Variants in AIG1 observed in about 807,000 individuals in gnomAD.
AIG1 encodes androgen induced 1.
Under a neutral mutation model 31.4 loss-of-function variants are expected in AIG1, and 23 were observed. That is an observed-to-expected ratio of 0.73 (90% CI 0.53 to 1.04). The LOEUF (loss-of-function observed/expected upper bound fraction) is 1.04, where lower values mean the gene tolerates loss of function less well. AIG1 is among the 50% of genes least tolerant of loss of function. The probability of loss-of-function intolerance (pLI) is 0.00; values close to 1 mark genes in which losing one functional copy is unlikely to be tolerated. For missense variants in AIG1, 274 were observed against 295.0 expected (o/e 0.93, Z 0.52); for synonymous variants, 100 against 110.5 (o/e 0.90, Z 0.60).
chr6:143,182,612 C>G lies in AIG1; in HGVS notation c.399+17429C>G, dbSNP rs569322290. Among the ~76,000 whole-genome samples the G allele has an allele frequency of 9.9e-4, 151 of 152,258 alleles. 1 individual carries two copies. Among genetic ancestry groups the G allele is most frequent in the African/African-American group, 3.6e-3 (148 of 41,530 alleles). ...ACTGAAATCCCCTAACCCTGCTCCC[C>G]CTTCCCATGGCACTAATCATCCTTG... On this transcript the variant is annotated intron_variant, in intron 3 of 5. Transcript: ENST00000357847.
intron 3 of AIG1, among the ~76,000 whole-genome samples, chr6:143,168,642 T>TA (rs879939350): frequency 1.1e-4 from 17 of 147,850 alleles, no homozygotes; most frequent in East Asian, 7.9e-4. Flanking sequence ...CCCTGTCTCT[T>TA]AAAAAAAAAA....
chr6:143,151,065 C>G (rs1477347558), intron 2 of AIG1, among the ~76,000 whole-genome samples: 1 of 152,160 alleles, frequency 6.6e-6, no homozygotes, highest in African/African-American at 2.4e-5. Context: ...ATCTTTGAGT[C>G]ATATTGGTTC....
chr6:143,202,812 G>A (rs1370189667), intron 3 of AIG1, among the ~76,000 whole-genome samples: 1 of 152,168 alleles, frequency 6.6e-6, no homozygotes, highest in Non-Finnish European at 1.5e-5. Flanking sequence ...GCATCACAGA[G>A]GAGTGGAAGG....
At chr6:143,272,732 T>C (rs1796619671) in intron 3 of AIG1, among the ~76,000 whole-genome samples, 1 of 152,228 alleles carries the variant, frequency 6.6e-6, no homozygotes. Flanking sequence ...CAATAACAGT[T>C]GCCAGTCCAG....
intron 1 of AIG1, among the ~76,000 whole-genome samples, chr6:143,089,184 G>C (rs761599748): frequency 3.3e-5 from 5 of 150,872 alleles, no homozygotes; most frequent in Non-Finnish European, 7.4e-5. Context: ...ACTCCAGCCT[G>C]GGCAACAGAG....
intron 3 of AIG1, among the ~76,000 whole-genome samples, chr6:143,212,111 A>T (rs1015251019): frequency 6.6e-6 from 1 of 151,772 alleles, no homozygotes; most frequent in Non-Finnish European, 1.5e-5. Context: ...ACCAGTAACA[A>T]CCCCTCTTTC....
chr6:143,060,724 C>T, upstream of AIG1: 1 of 432,000 alleles, frequency 2.3e-6, no homozygotes. Flanking sequence ...GCAAACCGCG[C>T]CCGGCCAGTA....
chr6:143,220,505 G>A lies in AIG1; in HGVS notation c.399+55322G>A, dbSNP rs78808016. Among the ~76,000 whole-genome samples, 299 of 152,170 alleles carry A rather than the reference G, an allele frequency of 2.0e-3. 1 individual carries two copies. The highest frequency in any genetic ancestry group is 6.8e-3 in the Middle Eastern group (2 of 294). On this transcript the variant is annotated intron_variant, in intron 3 of 5. Coordinates refer to ENST00000357847, the MANE Select transcript of AIG1 (RefSeq NM_016108.4). ...TCTCTATCATACAGATGCAGAAACC[G>A]AGACTCAGAGTGGTTTAATTGCCAA...
chr6:143,335,878 G>T (rs1583910707), intron 5 of AIG1, among the ~76,000 whole-genome samples: 1 of 151,542 alleles, frequency 6.6e-6, no homozygotes, highest in East Asian at 1.9e-4. Flanking sequence ...CAACCTGGAG[G>T]CAGAGGTTGC....
chr6:143,189,732 T>A lies in AIG1; in HGVS notation c.399+24549T>A, dbSNP rs149772793. The A allele has an allele frequency of 2.1e-4, 204 of 985,398 alleles. 1 individual carries two copies. In the African/African-American group the frequency reaches 3.3e-3, roughly 16 times the overall value. 61.0% of individuals were successfully genotyped at this position (985,398 alleles called of 1,614,324 possible). ...AACACAATTTCCCTCAAAACCCTCA[T>A]CCCTAATTTAGAGCCCTCTTATATT... On this transcript the variant is annotated intron_variant, in intron 3 of 5. Transcript: ENST00000357847.
At chr6:143,322,954 T>C (rs1046949207) in intron 4 of AIG1, among the ~76,000 whole-genome samples, 1 of 152,000 alleles carries the variant, frequency 6.6e-6, no homozygotes, top group African/African-American at 2.4e-5. Flanking sequence ...TTCTGTTTGC[T>C]TTTTTTTAAT....
At position 143,333,932 on chromosome 6, in the gene AIG1, T is replaced by C; in HGVS notation, c.679+487T>C. The C allele has an allele frequency of 1.3e-6, 1 of 768,724 alleles. No homozygotes were observed. Among genetic ancestry groups the C allele is most frequent in the East Asian group, 2.7e-5 (1 of 37,262 alleles). The allele number at this position is 768,724 out of a possible 1,614,324, so 47.6% of individuals were successfully genotyped here. The stretch of plus-strand genomic sequence containing the variant: ...AGAGCTCTATCTAAGCAGTGTGTGA[T>C]GCTCCGGCCACCTTGACTCACCAGT... On this transcript the variant is annotated intron_variant, in intron 5 of 5. Transcript: ENST00000357847. The surrounding 1 kb of genome is among the most constrained non-coding windows in gnomAD (Gnocchi z 4.6).
At chr6:143,261,633 A>G (rs1554262958) in intron 3 of AIG1, among the ~76,000 whole-genome samples, 1 of 152,098 alleles carries the variant, frequency 6.6e-6, no homozygotes, top group Non-Finnish European at 1.5e-5. Context: ...CCTCTATGCA[A>G]TTTTTTTTAA....
chr6:143,093,521 T>G (rs1779493424), intron 1 of AIG1, among the ~76,000 whole-genome samples: 1 of 152,206 alleles, frequency 6.6e-6, no homozygotes, highest in Non-Finnish European at 1.5e-5. Context: ...TTTTTTATCA[T>G]TTCAGTGTTC....
At chr6:143,075,298 C>CT (rs1292721035) in intron 1 of AIG1, among the ~76,000 whole-genome samples, 1 of 151,992 alleles carries the variant, frequency 6.6e-6, no homozygotes, top group Non-Finnish European at 1.5e-5. Flanking sequence ...TGATTTCTCT[C>CT]TTTTTTTGTT....
rs1374662479 is a variant in AIG1, at chr6:143,334,249, G to A, written c.679+804G>A. Among the ~76,000 whole-genome samples the A allele has an allele frequency of 2.0e-5, 3 of 152,200 alleles. No homozygotes were observed. The highest frequency in any genetic ancestry group is 4.4e-5 in the Non-Finnish European group (3 of 68,032). ...AGGCAAGATGGTTTGGAGATTTTAG[G>A]AAGCCCTGGCTCTTTCCTCTGACAC... is the stretch of plus-strand genomic sequence containing the variant. On this transcript the variant is annotated intron_variant, in intron 5 of 5. Coordinates refer to ENST00000357847, the MANE Select transcript of AIG1 (RefSeq NM_016108.4). This position sits in a 1 kb window ranked among gnomAD's most constrained non-coding sequence, Gnocchi z 5.1.
chr6:143,272,045 A>G (rs1274121895), intron 3 of AIG1, among the ~76,000 whole-genome samples: 1 of 152,160 alleles, frequency 6.6e-6, no homozygotes, highest in African/African-American at 2.4e-5. Flanking sequence ...CATCAGGGTC[A>G]CCTTCCCTTA....
chr6:143,177,717 T>G (rs767876419), intron 3 of AIG1, among the ~76,000 whole-genome samples: 11 of 152,096 alleles, frequency 7.2e-5, no homozygotes, highest in Admixed American at 2.0e-4. Context: ...GGTCTACCAC[T>G]GGAGTGGGCA....
chr6:143,335,118 A>C lies in AIG1; in HGVS notation c.679+1673A>C, dbSNP rs150163945. The C allele has an allele frequency of 5.0e-5, 72 of 1,429,518 alleles. No individual in the cohort carries two copies. The East Asian group carries it at 1.9e-3, about 38-fold the overall frequency. 88.6% of individuals were successfully genotyped at this position (1,429,518 alleles called of 1,614,324 possible). ...TCCACAAAGACAGATGTTTTGTGCC[A>C]AGTAAGTATCATCCTCATTTACAAG... On this transcript the variant is annotated intron_variant, in intron 5 of 5. Coordinates refer to ENST00000357847, the MANE Select transcript of AIG1 (RefSeq NM_016108.4).
Sources: gnomAD v4.1 joint callset for allele counts (sites outside exome capture counted in the v4.1 genomes callset) on GRCh38, gnomAD v4.1.1 for gene constraint, Gnocchi (gnomAD v3.1) non-coding constraint, MANE v1.5 for transcripts, NCBI Gene and HGNC (gene_info 2026-07-23, HGNC 2026-07-21) for gene names.